Variants in PLEKHA5 observed in about 807,000 individuals in gnomAD.
PLEKHA5 encodes the protein pleckstrin homology domain containing A5.
In PLEKHA5, 55 loss-of-function variants were observed where a neutral mutation model predicts 181.9. That is an observed-to-expected ratio of 0.30 (90% CI 0.24 to 0.38). The LOEUF (loss-of-function observed/expected upper bound fraction) is 0.38. Among genes scored for constraint, PLEKHA5 ranks in the 10% least tolerant of loss-of-function variants. PLEKHA5 has a pLI of 1.00. For missense variants in PLEKHA5, 1,432 were observed against 1,549.5 expected (o/e 0.92, Z 1.27); for synonymous variants, 535 against 529.4 (o/e 1.01, Z -0.15).
intron 25 of PLEKHA5, among the ~76,000 whole-genome samples, chr12:19,352,318 G>A (rs2094639324): frequency 6.6e-6 from 1 of 151,632 alleles, no homozygotes; most frequent in Non-Finnish European, 1.5e-5. Flanking sequence ...CCAGGAGGCA[G>A]AGGTTGCAGT....
At chr12:19,214,048 T>A (rs117678317) in intron 3 of PLEKHA5, among the ~76,000 whole-genome samples, 4,453 of 152,288 alleles carry the variant, frequency 0.029, 86 homozygotes, top group Non-Finnish European at 0.046. Context: ...TGTTATTGAA[T>A]GATAAGGTTA....
chr12:19,321,821 A>G (rs2090948034), intron 18 of PLEKHA5, among the ~76,000 whole-genome samples: 1 of 152,150 alleles, frequency 6.6e-6, no homozygotes, highest in Admixed American at 6.6e-5. Context: ...AAAGTTGGGG[A>G]CATATTTCCA....
At chr12:19,156,618 G>A (rs1445709500) in intron 3 of PLEKHA5, among the ~76,000 whole-genome samples, 4 of 151,746 alleles carry the variant, frequency 2.6e-5, no homozygotes, top group Non-Finnish European at 4.4e-5. Flanking sequence ...TGGCCTCATC[G>A]TGCATGTATT....
intron 3 of PLEKHA5, among the ~76,000 whole-genome samples, chr12:19,212,892 T>C (rs1307169009): frequency 6.6e-6 from 1 of 151,438 alleles, no homozygotes; most frequent in Non-Finnish European, 1.5e-5. Flanking sequence ...AGAGTTAGAA[T>C]TTAAGCCCAG....
intron 3 of PLEKHA5, among the ~76,000 whole-genome samples, chr12:19,145,161 A>G (rs1287414946): frequency 1.3e-5 from 2 of 151,974 alleles, no homozygotes; most frequent in Non-Finnish European, 2.9e-5. Context: ...TATCTCACAT[A>G]TGTGTTTGTG....
chr12:19,268,747 C>A (rs760949592), intron 8 of PLEKHA5, among the ~76,000 whole-genome samples: 1 of 152,092 alleles, frequency 6.6e-6, no homozygotes, highest in African/African-American at 2.4e-5. Context: ...GATACCAACC[C>A]AGTGTTCCTT....
intron 3 of PLEKHA5, among the ~76,000 whole-genome samples, chr12:19,212,743 T>C (rs2057172771): frequency 1.3e-5 from 2 of 152,168 alleles, no homozygotes; most frequent in Admixed American, 6.6e-5. Flanking sequence ...TGTTCATAAA[T>C]TCATCAAACA....
chr12:19,259,804 T>G (rs1271488927), intron 6 of PLEKHA5, among the ~76,000 whole-genome samples: 1 of 116,750 alleles, frequency 8.6e-6, no homozygotes, highest in Non-Finnish European at 1.9e-5. Flanking sequence ...TTTTTTTTTT[T>G]GGTTTCTTTT....
intron 31 of PLEKHA5, among the ~76,000 whole-genome samples, chr12:19,374,843 T>C (rs2095674833): frequency 6.6e-6 from 1 of 151,494 alleles, no homozygotes; most frequent in African/African-American, 2.4e-5. Context: ...TAGTCCCAGC[T>C]ACTCAGGAGG....
chr12:19,340,226 T>C (rs1277317042), intron 21 of PLEKHA5, among the ~76,000 whole-genome samples: 1 of 152,078 alleles, frequency 6.6e-6, no homozygotes, highest in Non-Finnish European at 1.5e-5. Flanking sequence ...GAAATAATCC[T>C]TTAGAAAAAC....
Position 19,359,459 on chromosome 12 carries a change from T to C in PLEKHA5, c.3396T>C (p.Asn1132=). 2 of 1,613,572 alleles carry C rather than the reference T, an allele frequency of 1.2e-6. No homozygotes were observed. Among genetic ancestry groups the C allele is most frequent in the Non-Finnish European group, 1.7e-6 (2 of 1,179,680 alleles). The change falls in exon 28 of 32, where the codon AAT becomes AAC. Residue 1132 remains asparagine, a synonymous_variant. Coordinates refer to ENST00000429027, the MANE Select transcript of PLEKHA5 (RefSeq NM_001256470.2). ...DKELDTAIRE[N]DVKPDHETPA... ...AACTGGACACTGCCATTAGAGAAAA[T>C]GATGTAAAGCCAGACCATGAAACTC...
intron 3 of PLEKHA5, among the ~76,000 whole-genome samples, chr12:19,225,269 A>G (rs546297430): frequency 1.2e-4 from 19 of 152,258 alleles, no homozygotes; most frequent in African/African-American, 4.3e-4. Flanking sequence ...ACCATTGCCT[A>G]CTGCGTGTGT....
At chr12:19,298,154 G>A (rs983850751) in intron 15 of PLEKHA5, among the ~76,000 whole-genome samples, 13 of 152,060 alleles carry the variant, frequency 8.5e-5, no homozygotes, top group South Asian at 2.1e-4. Flanking sequence ...AACCGAGATC[G>A]CACCACTGCA....
At position 19,142,721 on chromosome 12, in the gene PLEKHA5, A is replaced by G. The variant is rs146560192; in HGVS notation, c.227+10271A>G. Among the ~76,000 whole-genome samples the G allele has an allele frequency of 6.4e-3, 974 of 152,290 alleles. 12 individuals carry two copies. The highest frequency in any genetic ancestry group is 0.022 in the African/African-American group (896 of 41,562). On this transcript the variant is annotated intron_variant, in intron 3 of 31. Coordinates refer to ENST00000429027, the MANE Select transcript of PLEKHA5 (RefSeq NM_001256470.2). ...TTGATCAGCAAATTTCCAGTATACA[A>G]TACATTATCTCAGTCCTCTACTGTA...
chr12:19,222,410 T>G (rs1565484215), intron 3 of PLEKHA5, among the ~76,000 whole-genome samples: 1 of 152,164 alleles, frequency 6.6e-6, no homozygotes, highest in Non-Finnish European at 1.5e-5. Flanking sequence ...TTTAATGATT[T>G]GTTCGTTCTC....
chr12:19,306,636 G>T (rs2083799106), intron 15 of PLEKHA5: 1 of 1,154,740 alleles, frequency 8.7e-7, no homozygotes, highest in South Asian at 1.2e-5. Flanking sequence ...GGAGGCGGCG[G>T]CATCGAGGTA....
At chr12:19,151,015 T>C (rs2040252470) in intron 3 of PLEKHA5, 1 of 152,180 alleles carries the variant, frequency 6.6e-6, no homozygotes, top group Non-Finnish European at 1.5e-5. Flanking sequence ...GTTGGAGATT[T>C]GGTGTTGCAG....
chr12:19,211,853 T>C (rs1349559356), intron 3 of PLEKHA5, among the ~76,000 whole-genome samples: 1 of 152,196 alleles, frequency 6.6e-6, no homozygotes, highest in African/African-American at 2.4e-5. Context: ...ACTTACCTTT[T>C]TTAAAGTTTA....
chr12:19,190,597 C>T (rs970496434), intron 3 of PLEKHA5, among the ~76,000 whole-genome samples: 7 of 152,118 alleles, frequency 4.6e-5, no homozygotes, highest in African/African-American at 1.7e-4. Flanking sequence ...ACCTTGAAAG[C>T]CCAGCATATC....
Sources: allele counts gnomAD v4.1 joint callset (sites outside exome capture counted in the v4.1 genomes callset), GRCh38; gene constraint gnomAD v4.1.1; transcripts MANE v1.5; gene names NCBI Gene and HGNC (gene_info 2026-07-23, HGNC 2026-07-21).